Variants in C8orf34 observed in about 807,000 individuals in gnomAD.
C8orf34 encodes the protein chromosome 8 open reading frame 34.
In C8orf34, 65 loss-of-function variants were observed where a neutral mutation model predicts 68.3. The observed-to-expected ratio is 0.95, with a 90% CI of 0.78 to 1.17. C8orf34 has a LOEUF of 1.17. C8orf34 is among the 50% of genes most tolerant of loss of function. C8orf34 has a pLI of 0.00. For missense variants in C8orf34, 664 were observed against 655.4 expected (o/e 1.01, Z -0.14); for synonymous variants, 244 against 241.2 (o/e 1.01, Z -0.11).
At chr8:68,410,834 C>T (rs140583387) in intron 1 of C8orf34, among the ~76,000 whole-genome samples, 1 of 152,162 alleles carries the variant, frequency 6.6e-6, no homozygotes, top group Non-Finnish European at 1.5e-5. Flanking sequence ...CCAACAGCAC[C>T]CCTTCCTAGA....
At chr8:68,756,097 A>C (rs1563650996) in intron 10 of C8orf34, among the ~76,000 whole-genome samples, 2 of 138,178 alleles carry the variant, frequency 1.4e-5, no homozygotes, top group African/African-American at 3.2e-5. Context: ...AAAAAAAAAA[A>C]CCAGAGTGAC....
intron 7 of C8orf34, among the ~76,000 whole-genome samples, chr8:68,536,419 A>G (rs1158049061): frequency 2.7e-5 from 4 of 150,132 alleles, no homozygotes; most frequent in Non-Finnish European, 5.9e-5. Context: ...ATCCCTGTAT[A>G]TTTTACTACA....
At position 68,521,810 on chromosome 8, in the gene C8orf34, A is replaced by G. The variant is rs1814766960; in HGVS notation, c.777A>G (p.Thr259=). Residue 259 remains threonine, a synonymous_variant, in exon 6 of 14, where the codon ACA becomes ACG. Transcript: ENST00000518698. ...ISDELDKETV[T]FNSSLLRPRV... is the part of the protein sequence containing the mutation. ...TTTCTTCTCTTCAGGAAACAGTGAC[A>G]TTTAATTCTTCTCTTCTGAGGCCCC... The G allele has an allele frequency of 5.0e-6, 8 of 1,612,632 alleles. No individual in the cohort carries two copies. The South Asian group carries it at 7.7e-5, about 16-fold the overall frequency.
intron 8 of C8orf34, among the ~76,000 whole-genome samples, chr8:68,649,548 T>G (rs918125941): frequency 3.9e-5 from 6 of 152,210 alleles, no homozygotes; most frequent in African/African-American, 1.4e-4. Flanking sequence ...GCCCTCATTG[T>G]TCATTCAAGA....
At chr8:68,682,557 C>A (rs1380727402) in intron 8 of C8orf34, among the ~76,000 whole-genome samples, 2 of 152,048 alleles carry the variant, frequency 1.3e-5, no homozygotes, top group South Asian at 2.1e-4. Flanking sequence ...CCTGTGTCTA[C>A]AATTACTAAA....
At chr8:68,480,030 C>A (rs750953999) in intron 4 of C8orf34, among the ~76,000 whole-genome samples, 5 of 152,074 alleles carry the variant, frequency 3.3e-5, no homozygotes, top group Non-Finnish European at 7.4e-5. Context: ...CTATTTAGCC[C>A]GTAACAGAAA....
At chr8:68,564,594 C>T (rs1345052026) in intron 7 of C8orf34, among the ~76,000 whole-genome samples, 1 of 152,158 alleles carries the variant, frequency 6.6e-6, no homozygotes, top group Admixed American at 6.5e-5. Flanking sequence ...TCTACCCAAG[C>T]ACAGCACAGA....
At chr8:68,774,331 G>A (rs76967465) in intron 10 of C8orf34, among the ~76,000 whole-genome samples, 21,490 of 101,220 alleles carry the variant, frequency 0.21, 4,169 homozygotes, top group African/African-American at 0.55. Flanking sequence ...GGGTGTGTGT[G>A]TATATATATA....
At chr8:68,387,290 T>A (rs1808302086) in intron 1 of C8orf34, among the ~76,000 whole-genome samples, 1 of 152,000 alleles carries the variant, frequency 6.6e-6, no homozygotes, top group Non-Finnish European at 1.5e-5. Flanking sequence ...GGAAGATACA[T>A]CTTATGGTGG....
Position 68,391,993 on chromosome 8 carries a change from T to A in C8orf34, c.328-47506T>A, listed in dbSNP as rs533399825. On this transcript the variant is annotated intron_variant, in intron 1 of 13. Coordinates refer to ENST00000518698, the MANE Select transcript of C8orf34 (RefSeq NM_052958.4). ...ACATCGCTAATGAATGCTGAATTGT[T>A]CATACAACTTTTCACTCCTGGGAAA... is the stretch of plus-strand genomic sequence containing the variant. 2.6e-5 allele frequency among the ~76,000 whole-genome samples: 4 copies of A among 152,266 alleles called. No individual in the cohort carries two copies. In the South Asian group the frequency reaches 6.2e-4, roughly 24 times the overall value.
intron 5 of C8orf34, among the ~76,000 whole-genome samples, chr8:68,516,283 T>C (rs752589229): frequency 2.0e-5 from 3 of 152,246 alleles, no homozygotes; most frequent in Non-Finnish European, 2.9e-5. Flanking sequence ...ATTTTAAAAA[T>C]TCGTTCAACA....
At chr8:68,392,521 A>T (rs1050861441) in intron 1 of C8orf34, among the ~76,000 whole-genome samples, 4 of 150,972 alleles carry the variant, frequency 2.6e-5, no homozygotes, top group Admixed American at 1.3e-4. Context: ...CTCAGAATAT[A>T]AAAAAAATGT....
intron 1 of C8orf34, among the ~76,000 whole-genome samples, chr8:68,356,125 C>T (rs1335889044): frequency 6.6e-6 from 1 of 152,084 alleles, no homozygotes; most frequent in African/African-American, 2.4e-5. Context: ...AAAGAGTTGT[C>T]AAATGCGTTT....
rs747862590 is a variant in C8orf34 at position 68,575,956 on chromosome 8, G to GGTTTTTT, written c.1105+42807_1105+42808insGTTTTTT. 9.3e-5 allele frequency among the ~76,000 whole-genome samples: 9 copies of GGTTTTTT among 96,340 alleles called. 1 individual carries two copies. The highest frequency in any genetic ancestry group is 1.1e-4 in the African/African-American group (3 of 28,028). 63.2% of individuals were successfully genotyped at this position (96,340 alleles called of 152,430 possible). ...GCTGACATAATGCTAGTAGATGGTT[G>GGTTTTTT]TTTTTTTTTTTTTTTTTTTTTGCCT... On this transcript the variant is annotated intron_variant, in intron 7 of 13. Transcript: ENST00000518698.
rs867531972 is a variant in C8orf34, at chr8:68,505,623, C to G, written c.766-16176C>G. ...GCGGGCGCCTGTAGTCCCAGCTACTCGGGAGGCTGAGGCAGGAGAATGGCG... is the reference window on the plus strand; with the variant it reads ...GCGGGCGCCTGTAGTCCCAGCTACTGGGGAGGCTGAGGCAGGAGAATGGCG... On this transcript the variant is annotated intron_variant, in intron 5 of 13. Coordinates refer to ENST00000518698, the MANE Select transcript of C8orf34 (RefSeq NM_052958.4). 5.8e-3 allele frequency among the ~76,000 whole-genome samples: 753 copies of G among 130,926 alleles called. 188 individuals carry two copies. Among genetic ancestry groups the G allele is most frequent in the African/African-American group, 0.027 (713 of 26,112 alleles). The allele number at this position is 130,926 out of a possible 152,430, so 85.9% of individuals were successfully genotyped here.
At chr8:68,460,454 G>A (rs942247444) in intron 3 of C8orf34, among the ~76,000 whole-genome samples, 12 of 152,174 alleles carry the variant, frequency 7.9e-5, no homozygotes, top group African/African-American at 2.4e-4. Context: ...CTCCCAGCAC[G>A]CAGCTGGAGA....
intron 10 of C8orf34, among the ~76,000 whole-genome samples, chr8:68,768,051 T>C (rs928282457): frequency 2.6e-5 from 4 of 152,206 alleles, no homozygotes; most frequent in Non-Finnish European, 5.9e-5. Flanking sequence ...TTCAAGACAA[T>C]GAATCATTTC....
chr8:68,761,202 A>C (rs1432517616), intron 10 of C8orf34, among the ~76,000 whole-genome samples: 1 of 152,190 alleles, frequency 6.6e-6, no homozygotes, highest in Non-Finnish European at 1.5e-5. Flanking sequence ...CTATCCCCTC[A>C]CTACCAATCT....
At chr8:68,610,821 AT>A (rs1234139937) in intron 7 of C8orf34, among the ~76,000 whole-genome samples, 1 of 150,398 alleles carries the variant, frequency 6.6e-6, no homozygotes, top group African/African-American at 2.5e-5. Context: ...TAGAAAAAAA[AT>A]TGGATTAATT....
Sources: allele counts gnomAD v4.1 joint callset (sites outside exome capture counted in the v4.1 genomes callset), GRCh38; gene constraint gnomAD v4.1.1; transcripts MANE v1.5; gene names NCBI Gene and HGNC (gene_info 2026-07-23, HGNC 2026-07-21).